Variants in ST6GALNAC5 observed in about 807,000 individuals in gnomAD.
ST6GALNAC5 encodes the protein alpha-N-acetylgalactosaminide alpha-2,6-sialyltransferase 5.
In ST6GALNAC5, 27 loss-of-function variants were observed where a neutral mutation model predicts 33.6. The observed-to-expected ratio is 0.80, with a 90% CI of 0.59 to 1.11. ST6GALNAC5 has a LOEUF of 1.11. Among genes scored for constraint, ST6GALNAC5 ranks in the 50% least tolerant of loss-of-function variants. ST6GALNAC5 has a pLI of 0.00. For synonymous variants in ST6GALNAC5, 194 were observed against 171.2 expected (o/e 1.13, Z -1.04); for missense variants, 428 against 454.0 (o/e 0.94, Z 0.52).
chr1:77,021,785 A>G (rs1330641160), intron 2 of ST6GALNAC5, among the ~76,000 whole-genome samples: 1 of 151,862 alleles, frequency 6.6e-6, no homozygotes, highest in Non-Finnish European at 1.5e-5. Context: ...ATTGATACTA[A>G]TCTTCCTCAT....
At chr1:76,950,752 G>A (rs569171189) in intron 2 of ST6GALNAC5, among the ~76,000 whole-genome samples, 1 of 152,234 alleles carries the variant, frequency 6.6e-6, no homozygotes, top group Admixed American at 6.5e-5. Flanking sequence ...CTCCAAAGAA[G>A]TGTAGGTTGT....
chr1:76,981,912 TGA>T (rs541138398), intron 2 of ST6GALNAC5, among the ~76,000 whole-genome samples: 95 of 152,304 alleles, frequency 6.2e-4, no homozygotes, highest in African/African-American at 2.3e-3. Context: ...GACCTGCAGC[TGA>T]GAGACCTGAC....
chr1:76,975,961 G>A (rs1018486761), intron 2 of ST6GALNAC5, among the ~76,000 whole-genome samples: 3 of 152,090 alleles, frequency 2.0e-5, no homozygotes, highest in African/African-American at 7.2e-5. Flanking sequence ...CGGGCTTGGT[G>A]GCACATGTCT....
chr1:77,047,179 A>G (rs1016419860), intron 3 of ST6GALNAC5, among the ~76,000 whole-genome samples: 5 of 152,184 alleles, frequency 3.3e-5, no homozygotes, highest in Non-Finnish European at 7.4e-5. Context: ...GCCAGAGTAC[A>G]CTGCTGCTTC....
intron 2 of ST6GALNAC5, among the ~76,000 whole-genome samples, chr1:76,944,826 T>C (rs959479306): frequency 1.3e-5 from 2 of 152,100 alleles, no homozygotes; most frequent in Admixed American, 6.6e-5. Flanking sequence ...TTCCCTAGCA[T>C]TTGTTTTGGA....
chr1:76,940,812 G>A (rs977734617), intron 2 of ST6GALNAC5, among the ~76,000 whole-genome samples: 1 of 152,074 alleles, frequency 6.6e-6, no homozygotes, highest in African/African-American at 2.4e-5. Flanking sequence ...GCTTTGGAGT[G>A]TACTGATTTT....
intron 2 of ST6GALNAC5, among the ~76,000 whole-genome samples, chr1:77,012,285 A>T (rs1403574527): frequency 6.6e-6 from 1 of 152,196 alleles, no homozygotes; most frequent in African/African-American, 2.4e-5. Flanking sequence ...TACTCAGTGG[A>T]ATAATGTCCC....
rs1363894462 is a variant in ST6GALNAC5 at position 76,868,845 on chromosome 1, G to T, written c.261+103G>T. 1.4e-6 allele frequency: 2 copies of T among 1,420,072 alleles called. No homozygotes were observed. The highest frequency in any genetic ancestry group is 1.8e-6 in the Non-Finnish European group (2 of 1,092,370). The allele number at this position is 1,420,072 out of a possible 1,614,324, so 88.0% of individuals were successfully genotyped here. On this transcript the variant is annotated intron_variant, in intron 2 of 4. Transcript: ENST00000477717. This position sits in a 1 kb window ranked among gnomAD's most constrained non-coding sequence, Gnocchi z 4.3. ...CTGGGAGGCGCTGTGAGTAGGTGCC[G>T]TTCGAAGGCTGGAGGGGAGTGGACC...
chr1:76,992,536 C>T (rs1033454750), intron 2 of ST6GALNAC5, among the ~76,000 whole-genome samples: 5 of 152,030 alleles, frequency 3.3e-5, no homozygotes, highest in African/African-American at 1.2e-4. Context: ...GCTCTGTCAC[C>T]CAGTTTGGAG....
intron 2 of ST6GALNAC5, among the ~76,000 whole-genome samples, chr1:76,887,068 C>T: frequency 6.6e-6 from 1 of 152,080 alleles, no homozygotes; most frequent in Non-Finnish European, 1.5e-5. Flanking sequence ...CCTTCTCAGC[C>T]ACATGGCAGC....
At chr1:76,977,132 A>ATTTAATACAT (rs765367370) in intron 2 of ST6GALNAC5, among the ~76,000 whole-genome samples, 3 of 152,142 alleles carry the variant, frequency 2.0e-5, no homozygotes, top group Non-Finnish European at 4.4e-5. Flanking sequence ...CCTGAAAGAT[A>ATTTAATACAT]TTTAATACAT....
At chr1:77,053,183 A>T (rs1652285568) in intron 4 of ST6GALNAC5, among the ~76,000 whole-genome samples, 1 of 152,160 alleles carries the variant, frequency 6.6e-6, no homozygotes, top group African/African-American at 2.4e-5. Context: ...TCCCTCTTTT[A>T]TCTTTATTTT....
At chr1:77,037,398 G>C (rs1360632039) in intron 2 of ST6GALNAC5, among the ~76,000 whole-genome samples, 2 of 152,118 alleles carry the variant, frequency 1.3e-5, no homozygotes, top group Non-Finnish European at 2.9e-5. Flanking sequence ...GAGACTACTA[G>C]AGTGGGGAAG....
At chr1:76,964,320 A>G (rs1648367963) in intron 2 of ST6GALNAC5, among the ~76,000 whole-genome samples, 1 of 152,134 alleles carries the variant, frequency 6.6e-6, no homozygotes, top group African/African-American at 2.4e-5. Context: ...ACAACCCACA[A>G]TTGTTCAGAG....
At chr1:76,882,583 A>G (rs896778030) in intron 2 of ST6GALNAC5, among the ~76,000 whole-genome samples, 2 of 152,200 alleles carry the variant, frequency 1.3e-5, no homozygotes, top group Admixed American at 1.3e-4. Flanking sequence ...CTTAATGGCT[A>G]AGGAGGTGTC....
At chr1:76,930,163 T>C (rs1454556411) in intron 2 of ST6GALNAC5, among the ~76,000 whole-genome samples, 2 of 152,142 alleles carry the variant, frequency 1.3e-5, no homozygotes, top group African/African-American at 4.8e-5. Flanking sequence ...TTGTGGTCTT[T>C]GGCAATTTAC....
At chr1:77,042,635 A>C (rs1651868766) in intron 2 of ST6GALNAC5, among the ~76,000 whole-genome samples, 1 of 152,212 alleles carries the variant, frequency 6.6e-6, no homozygotes, top group African/African-American at 2.4e-5. Flanking sequence ...CAAGAGCAAA[A>C]GGCTCCGCAC....
At chr1:76,997,018 G>GA (rs1649964515) in intron 2 of ST6GALNAC5, among the ~76,000 whole-genome samples, 1 of 152,182 alleles carries the variant, frequency 6.6e-6, no homozygotes, top group Non-Finnish European at 1.5e-5. Flanking sequence ...AACCCCTGGA[G>GA]AAAAGTAAAT....
intron 2 of ST6GALNAC5, among the ~76,000 whole-genome samples, chr1:76,898,834 G>A (rs565249888): frequency 3.9e-5 from 6 of 152,080 alleles, no homozygotes; most frequent in East Asian, 1.9e-4. Flanking sequence ...GGAAGAATTC[G>A]GACCTAGCTC....
Sources: allele counts gnomAD v4.1 joint callset (sites outside exome capture counted in the v4.1 genomes callset), GRCh38; gene constraint gnomAD v4.1.1; non-coding constraint Gnocchi (gnomAD v3.1); transcripts MANE v1.5; gene names NCBI Gene and HGNC (gene_info 2026-07-23, HGNC 2026-07-21).